Variants in RBFOX1 observed in about 807,000 individuals in gnomAD.
RBFOX1 encodes the protein RNA binding fox-1 homolog 1, also known as RNA binding protein fox-1 homolog 1.
A neutral mutation model predicts 57.7 loss-of-function variants in RBFOX1; 8 were observed. The observed-to-expected ratio is 0.14, with a 90% CI of 0.08 to 0.25. The LOEUF is 0.25. RBFOX1 is among the 10% of genes least tolerant of loss of function. The probability of loss-of-function intolerance (pLI) is 1.00; values close to 1 mark genes in which losing one functional copy is unlikely to be tolerated. For synonymous variants in RBFOX1, 326 were observed against 222.4 expected, an observed-to-expected ratio of 1.47 and a Z score of -4.15; for missense variants, 611 against 548.5, an observed-to-expected ratio of 1.11 and a Z score of -1.14.
At chr16:5,861,620 C>A (rs1319498878) in intron 3 of RBFOX1, among the ~76,000 whole-genome samples, 1 of 152,206 alleles carries the variant, frequency 6.6e-6, no homozygotes, top group Non-Finnish European at 1.5e-5. Flanking sequence ...CCTTGACGAA[C>A]ATAAGCAGCC....
At chr16:6,071,707 A>C (rs1423111991) in intron 1 of RBFOX1, among the ~76,000 whole-genome samples, 1 of 152,206 alleles carries the variant, frequency 6.6e-6, no homozygotes, top group Non-Finnish European at 1.5e-5. Context: ...CATTTCACAC[A>C]GTGTAACTTC....
chr16:7,589,516 T>C (rs71374957), intron 7 of RBFOX1, among the ~76,000 whole-genome samples: 9,815 of 151,904 alleles, frequency 0.065, 348 homozygotes, highest in Non-Finnish European at 0.078. Flanking sequence ...CTTTATTCTT[T>C]TGGTTTAGGA....
intron 2 of RBFOX1, among the ~76,000 whole-genome samples, chr16:6,538,874 T>C (rs1422983315): frequency 2.0e-5 from 3 of 152,190 alleles, no homozygotes; most frequent in Non-Finnish European, 4.4e-5. Context: ...TATTTTAGAT[T>C]GAAGGGATTA....
chr16:5,882,180 A>G (rs1160025073), intron 4 of RBFOX1, among the ~76,000 whole-genome samples: 1 of 152,212 alleles, frequency 6.6e-6, no homozygotes, highest in Non-Finnish European at 1.5e-5. Flanking sequence ...TGAAATCACT[A>G]ACCTCTACTG....
At chr16:5,376,767 CT>C (rs1474479849) in intron 1 of RBFOX1, among the ~76,000 whole-genome samples, 1 of 148,112 alleles carries the variant, frequency 6.8e-6, no homozygotes, top group African/African-American at 2.7e-5. Flanking sequence ...TGAGTACTTT[CT>C]TTCCTTCCAA....
intron 5 of RBFOX1, among the ~76,000 whole-genome samples, chr16:7,560,464 G>C (rs1237656234): frequency 6.6e-6 from 1 of 150,420 alleles, no homozygotes; most frequent in Non-Finnish European, 1.5e-5. Context: ...TAAAAGTCTT[G>C]TTGCTGCTCC....
chr16:6,290,332 G>T (rs1185887808), intron 1 of RBFOX1, among the ~76,000 whole-genome samples: 1 of 147,154 alleles, frequency 6.8e-6, no homozygotes, highest in Non-Finnish European at 1.5e-5. Flanking sequence ...TGGTTTTAAG[G>T]AAAATGAGGG....
chr16:6,276,415 A>C (rs1172979272), intron 1 of RBFOX1, among the ~76,000 whole-genome samples: 3 of 151,874 alleles, frequency 2.0e-5, no homozygotes, highest in Non-Finnish European at 4.4e-5. Flanking sequence ...GCTCACTACC[A>C]CCTCTGCCTC....
intron 1 of RBFOX1, among the ~76,000 whole-genome samples, chr16:6,164,873 A>G (rs1212552502): frequency 2.0e-5 from 3 of 152,166 alleles, no homozygotes; most frequent in Non-Finnish European, 4.4e-5. Context: ...GCTAAATACC[A>G]TGTCAGAAAT....
chr16:6,889,398 T>C (rs945634432), intron 3 of RBFOX1, among the ~76,000 whole-genome samples: 2 of 152,206 alleles, frequency 1.3e-5, no homozygotes, highest in Non-Finnish European at 2.9e-5. Context: ...ATATCTTACA[T>C]ATGACGGCTC....
At chr16:7,189,239 C>G (rs2084707032) in intron 4 of RBFOX1, among the ~76,000 whole-genome samples, 1 of 151,770 alleles carries the variant, frequency 6.6e-6, no homozygotes. Flanking sequence ...TCCTGGCTAA[C>G]ACAGTGAAAC....
intron 2 of RBFOX1, among the ~76,000 whole-genome samples, chr16:6,515,244 C>T (rs946666366): frequency 6.6e-6 from 1 of 152,180 alleles, no homozygotes; most frequent in Non-Finnish European, 1.5e-5. Flanking sequence ...GGATGCTGAG[C>T]AAAGTGGCTT....
At chr16:6,911,973 G>T (rs571519272) in intron 3 of RBFOX1, among the ~76,000 whole-genome samples, 1 of 152,294 alleles carries the variant, frequency 6.6e-6, no homozygotes, top group Non-Finnish European at 1.5e-5. Flanking sequence ...CTTGGGAGTA[G>T]AAAGAACAAG....
chr16:7,670,777 C>G (rs1451810089), intron 13 of RBFOX1, among the ~76,000 whole-genome samples: 1 of 152,170 alleles, frequency 6.6e-6, no homozygotes, highest in African/African-American at 2.4e-5. Context: ...ATCTCAGTGT[C>G]TGCCCTAGAA....
At chr16:5,438,253 G>A (rs372484456) in intron 1 of RBFOX1, among the ~76,000 whole-genome samples, 2 of 152,202 alleles carry the variant, frequency 1.3e-5, no homozygotes, top group African/African-American at 2.4e-5. Context: ...CTCCCATCCA[G>A]TCATCACCTA....
chr16:7,251,992 A>G (rs2094515529), intron 4 of RBFOX1, among the ~76,000 whole-genome samples: 1 of 152,212 alleles, frequency 6.6e-6, no homozygotes, highest in South Asian at 2.1e-4. Context: ...AGAGTCTTCA[A>G]GGAAAATGCA....
At chr16:5,784,265 C>T (rs1269329544) in intron 3 of RBFOX1, among the ~76,000 whole-genome samples, 1 of 151,996 alleles carries the variant, frequency 6.6e-6, no homozygotes, top group African/African-American at 2.4e-5. Flanking sequence ...ACTAAAAATA[C>T]AAAAAAACAA....
At chr16:6,058,756 C>G (rs188292653) in intron 1 of RBFOX1, among the ~76,000 whole-genome samples, 2 of 151,206 alleles carry the variant, frequency 1.3e-5, no homozygotes, top group Non-Finnish European at 3.0e-5. Context: ...TATCCATTCA[C>G]TCATCCATTC....
intron 2 of RBFOX1, among the ~76,000 whole-genome samples, chr16:6,369,084 A>G (rs1462361985): frequency 1.3e-5 from 2 of 152,222 alleles, no homozygotes. Context: ...ATATGTATAT[A>G]TACATGTATG....
Sources: allele counts gnomAD v4.1 joint callset (sites outside exome capture counted in the v4.1 genomes callset), GRCh38; gene constraint gnomAD v4.1.1; transcripts MANE v1.5; gene names NCBI Gene and HGNC (gene_info 2026-07-23, HGNC 2026-07-21).